The following EHBP1 variants were observed in gnomAD, a reference collection of about 807,000 sequenced individuals.
EHBP1 encodes EH domain binding protein 1.
EHBP1 carries 55 observed loss-of-function variants against 144.0 expected under a neutral mutation model. The ratio of observed to expected loss-of-function variants is 0.38; its 90% confidence interval spans 0.31 to 0.48. The LOEUF is 0.48. Ranked by LOEUF, EHBP1 falls within the 20% of genes least tolerant of loss-of-function variation. The pLI, the probability that EHBP1 is intolerant of heterozygous loss-of-function variation, is 0.98. For synonymous variants in EHBP1, 469 were observed against 472.7 expected, an observed-to-expected ratio of 0.99 and a Z score of 0.10; for missense variants, 1,200 against 1,364.2, an observed-to-expected ratio of 0.88 and a Z score of 1.90.
rs536617370 is a variant in EHBP1, at chr2:62,871,796, C to T, written c.999-2550C>T. Among the ~76,000 whole-genome samples the T allele has an allele frequency of 1.3e-4, 20 of 152,294 alleles. No individual in the cohort carries two copies. In the East Asian group the frequency reaches 2.9e-3, roughly 22 times the overall value. On this transcript the variant is annotated intron_variant, in intron 9 of 22. Transcript: ENST00000431489. ...CATAAGCACAAAGAGAAAGTATTCACCCTTCCTTGCCTTTTAGGACGTGTC... is the reference window on the plus strand; with the variant it reads ...CATAAGCACAAAGAGAAAGTATTCATCCTTCCTTGCCTTTTAGGACGTGTC...
At chr2:62,860,833 TGAA>T (rs952304064) in intron 8 of EHBP1, among the ~76,000 whole-genome samples, 9 of 152,292 alleles carry the variant, frequency 5.9e-5, no homozygotes, top group East Asian at 1.9e-4. Flanking sequence ...CATATTTCTA[TGAA>T]GAAGAAGTAA....
At chr2:63,028,436 A>T (rs1334644497) in intron 19 of EHBP1, among the ~76,000 whole-genome samples, 1 of 151,980 alleles carries the variant, frequency 6.6e-6, no homozygotes, top group Admixed American at 6.6e-5. Context: ...AGGACTTTTA[A>T]AGATTTTTTT....
At chr2:62,703,587 C>T (rs1056349801), upstream of EHBP1, among the ~76,000 whole-genome samples, 1 of 152,074 alleles carries the variant, frequency 6.6e-6, no homozygotes, top group African/African-American at 2.4e-5. Flanking sequence ...ATTTAGTAAA[C>T]GATTCTAACT....
At chr2:62,899,676 G>A (rs1259305425) in intron 10 of EHBP1, among the ~76,000 whole-genome samples, 2 of 152,184 alleles carry the variant, frequency 1.3e-5, no homozygotes, top group African/African-American at 2.4e-5. Flanking sequence ...AAGTTTCAAC[G>A]ATGATGGTGG....
chr2:62,993,129 T>C (rs906166255), intron 16 of EHBP1, among the ~76,000 whole-genome samples: 2 of 152,296 alleles, frequency 1.3e-5, no homozygotes, highest in African/African-American at 4.8e-5. Flanking sequence ...AGGGTAGTAT[T>C]ATAATCCTAC....
intron 5 of EHBP1, among the ~76,000 whole-genome samples, chr2:62,803,079 G>A (rs2044153866): frequency 6.6e-6 from 1 of 152,120 alleles, no homozygotes; most frequent in African/African-American, 2.4e-5. Context: ...CCTTCACAGT[G>A]TACAATTGCT....
At chr2:62,729,537 AAT>A (rs1342714899) in intron 2 of EHBP1, among the ~76,000 whole-genome samples, 2 of 121,438 alleles carry the variant, frequency 1.6e-5, no homozygotes, top group South Asian at 4.5e-4. Flanking sequence ...TAATATATAT[AAT>A]ATATATTATA....
intron 6 of EHBP1, 97 bp from the exon 7 acceptor site, chr2:62,830,922 C>T (rs2046782982): frequency 7.7e-7 from 1 of 1,291,868 alleles, no homozygotes; most frequent in Non-Finnish European, 1.1e-6. Context: ...TATTGACATA[C>T]CTTATAGAAA....
chr2:62,764,256 A>C lies in EHBP1; in HGVS notation c.163-10A>C. 1 of 1,548,294 alleles carries C rather than the reference A, an allele frequency of 6.5e-7. No homozygotes were observed. The highest frequency in any genetic ancestry group is 8.7e-7 in the Non-Finnish European group (1 of 1,153,158). ...ACTTCATATTGAAGGTATCATTTTT[A>C]TTCTGGTAGGCACATAGCTGGCAAC... On this transcript the variant is annotated splice_polypyrimidine_tract_variant and intron_variant, in intron 3 of 22. Transcript: ENST00000431489.
At chr2:62,985,171 A>G (rs1157904326) in intron 15 of EHBP1, among the ~76,000 whole-genome samples, 1 of 152,090 alleles carries the variant, frequency 6.6e-6, no homozygotes, top group Non-Finnish European at 1.5e-5. Flanking sequence ...TCCAACCTGC[A>G]TTTATTGACT....
At chr2:62,979,413 C>A in intron 15 of EHBP1, 78 bp downstream of exon 15, 1 of 1,446,634 alleles carries the variant, frequency 6.9e-7, no homozygotes, top group Non-Finnish European at 9.3e-7. Flanking sequence ...TTTATTCTTA[C>A]TTCAAAATGT....
chr2:62,874,542 T>C lies in EHBP1; in HGVS notation c.1185+10T>C, dbSNP rs1216990763. ...CTCTACTTCTCCTAAGGTAGGATTT[T>C]ATTCATAGTAAAACATGTATTAATA... On this transcript the variant is annotated intron_variant, in intron 10 of 22. Transcript: ENST00000431489. 6.4e-7 allele frequency: 1 copy of C among 1,568,342 alleles called. No homozygotes were observed. Among genetic ancestry groups the C allele is most frequent in the Non-Finnish European group, 8.6e-7 (1 of 1,157,792 alleles).
At chr2:62,989,003 C>G (rs2059308003) in intron 15 of EHBP1, among the ~76,000 whole-genome samples, 1 of 152,106 alleles carries the variant, frequency 6.6e-6, no homozygotes, top group African/African-American at 2.4e-5. Flanking sequence ...CAAGAAAACT[C>G]ATGCCCTTTT....
intron 8 of EHBP1, among the ~76,000 whole-genome samples, chr2:62,862,656 A>T (rs1447230520): frequency 1.3e-5 from 2 of 152,150 alleles, no homozygotes; most frequent in African/African-American, 2.4e-5. Context: ...CAGTCATAAA[A>T]TTTTTGTAAT....
intron 10 of EHBP1, among the ~76,000 whole-genome samples, chr2:62,932,329 C>T (rs2056067307): frequency 6.6e-6 from 1 of 152,042 alleles, no homozygotes; most frequent in Non-Finnish European, 1.5e-5. Flanking sequence ...TCCAAATGTC[C>T]ATTGATGAAT....
chr2:62,729,897 A>G (rs999458352), intron 2 of EHBP1, among the ~76,000 whole-genome samples: 1 of 151,882 alleles, frequency 6.6e-6, no homozygotes, highest in African/African-American at 2.4e-5. Flanking sequence ...GAGAGGTGAG[A>G]AATGGTATCT....
chr2:62,893,794 A>C (rs968718061), intron 10 of EHBP1, among the ~76,000 whole-genome samples: 9 of 152,166 alleles, frequency 5.9e-5, no homozygotes, highest in Admixed American at 4.6e-4. Flanking sequence ...CTATAACCCC[A>C]GCTCCTTGGA....
chr2:62,968,914 A>T (rs1295499187), intron 14 of EHBP1, among the ~76,000 whole-genome samples: 1 of 152,226 alleles, frequency 6.6e-6, no homozygotes, highest in Non-Finnish European at 1.5e-5. Context: ...AAGGAGCCAG[A>T]GAGCGTTCAG....
intron 9 of EHBP1, among the ~76,000 whole-genome samples, chr2:62,873,061 A>G (rs1558832464): frequency 2.0e-5 from 3 of 152,162 alleles, no homozygotes; most frequent in African/African-American, 7.2e-5. Flanking sequence ...GTACTTGGCA[A>G]ATGCAAGTGT....
Sources: allele counts gnomAD v4.1 joint callset (sites outside exome capture counted in the v4.1 genomes callset), GRCh38; gene constraint gnomAD v4.1.1; transcripts MANE v1.5; gene names NCBI Gene and HGNC (gene_info 2026-07-23, HGNC 2026-07-21).